Variants in CAMKMT observed in about 807,000 individuals in gnomAD.
CAMKMT encodes calmodulin-lysine N-methyltransferase.
A neutral mutation model predicts 48.0 loss-of-function variants in CAMKMT; 53 were observed. The observed-to-expected ratio is 1.10, with a 90% CI of 0.89 to 1.39. CAMKMT has a LOEUF of 1.39. CAMKMT is among the 40% of genes most tolerant of loss of function. The pLI is 0.00. For missense variants in CAMKMT, 428 were observed against 402.7 expected (o/e 1.06, Z -0.54); for synonymous variants, 165 against 152.3 (o/e 1.08, Z -0.61).
chr2:44,730,166 T>C (rs1679005058), intron 7 of CAMKMT, among the ~76,000 whole-genome samples: 1 of 152,226 alleles, frequency 6.6e-6, no homozygotes, highest in Non-Finnish European at 1.5e-5. Context: ...TTGGGATATT[T>C]GGGGAGCTTA....
chr2:44,522,939 A>G (rs1671195273), intron 3 of CAMKMT, among the ~76,000 whole-genome samples: 1 of 151,904 alleles, frequency 6.6e-6, no homozygotes, highest in African/African-American at 2.4e-5. Flanking sequence ...TCCTTTTTTC[A>G]TACTACCAAA....
At chr2:44,769,660 A>G (rs575788964) in intron 10 of CAMKMT, among the ~76,000 whole-genome samples, 43 of 150,522 alleles carry the variant, frequency 2.9e-4, no homozygotes, top group African/African-American at 1.0e-3. Context: ...TTTTTTTTTT[A>G]TAAACTTTCG....
intron 3 of CAMKMT, among the ~76,000 whole-genome samples, chr2:44,604,333 AT>A (rs1191169656): frequency 6.6e-6 from 1 of 152,208 alleles, no homozygotes; most frequent in Non-Finnish European, 1.5e-5. Context: ...CATAACTAAG[AT>A]TGCCAAAGTG....
chr2:44,476,066 A>G (rs145680721), intron 3 of CAMKMT, among the ~76,000 whole-genome samples: 2 of 152,324 alleles, frequency 1.3e-5, no homozygotes, highest in East Asian at 1.9e-4. Context: ...CTTGCTGACA[A>G]TTTAAAGAAA....
chr2:44,482,709 C>T (rs1159281619), intron 3 of CAMKMT, among the ~76,000 whole-genome samples: 1 of 151,990 alleles, frequency 6.6e-6, no homozygotes, highest in Non-Finnish European at 1.5e-5. Context: ...CCCTTTTTTT[C>T]ACAGGCCTGA....
At chr2:44,560,802 A>C (rs1668283822) in intron 3 of CAMKMT, among the ~76,000 whole-genome samples, 1 of 152,132 alleles carries the variant, frequency 6.6e-6, no homozygotes, top group Non-Finnish European at 1.5e-5. Context: ...AAAGTTACTA[A>C]TATTGATTTT....
intron 7 of CAMKMT, among the ~76,000 whole-genome samples, chr2:44,734,145 C>T (rs1679230536): frequency 6.6e-6 from 1 of 150,658 alleles, no homozygotes; most frequent in Non-Finnish European, 1.5e-5. Context: ...GAATATTTAG[C>T]TAGAAACTGA....
chr2:44,531,550 A>G (rs1452624929), intron 3 of CAMKMT, among the ~76,000 whole-genome samples: 1 of 152,186 alleles, frequency 6.6e-6, no homozygotes, highest in African/African-American at 2.4e-5. Flanking sequence ...ATCAGCGGCC[A>G]TAGGGTTATT....
chr2:44,736,027 C>T (rs1448369571), intron 7 of CAMKMT, among the ~76,000 whole-genome samples: 1 of 152,146 alleles, frequency 6.6e-6, no homozygotes, highest in African/African-American at 2.4e-5. Flanking sequence ...ATTATCACCC[C>T]ACAATACTTG....
At chr2:44,408,341 G>T (rs1381063212) in intron 3 of CAMKMT, among the ~76,000 whole-genome samples, 2 of 151,882 alleles carry the variant, frequency 1.3e-5, no homozygotes, top group African/African-American at 2.4e-5. Context: ...ACTCTTTATA[G>T]ATTGCTATAA....
At chr2:44,705,197 A>C in intron 4 of CAMKMT, 11 of 203,762 alleles carry the variant, frequency 5.4e-5, no homozygotes, top group Non-Finnish European at 8.7e-5. Flanking sequence ...TGCTTTAAAC[A>C]ACCAAACACT....
intron 3 of CAMKMT, among the ~76,000 whole-genome samples, chr2:44,584,600 T>C (rs1437065941): frequency 6.6e-6 from 1 of 152,202 alleles, no homozygotes; most frequent in Non-Finnish European, 1.5e-5. Flanking sequence ...ACAATTATTT[T>C]TGGAATTCAA....
intron 3 of CAMKMT, among the ~76,000 whole-genome samples, chr2:44,436,197 A>T (rs1068121): frequency 0.94 from 143,379 of 152,218 alleles, 67,592 homozygotes; most frequent in East Asian, 1. Flanking sequence ...TGCCTCAGCC[A>T]CCTGAGTAAC....
At chr2:44,556,357 T>A (rs1012375856) in intron 3 of CAMKMT, among the ~76,000 whole-genome samples, 1 of 152,002 alleles carries the variant, frequency 6.6e-6, no homozygotes, top group Non-Finnish European at 1.5e-5. Context: ...CAGGCTGTTC[T>A]TGAACTCCTG....
intron 3 of CAMKMT, among the ~76,000 whole-genome samples, chr2:44,471,358 A>G (rs751074613): frequency 3.3e-5 from 5 of 152,072 alleles, no homozygotes; most frequent in African/African-American, 4.8e-5. Flanking sequence ...ATTTTATGGA[A>G]TAGCCAGGCA....
At chr2:44,762,912 A>G (rs953675616) in intron 9 of CAMKMT, among the ~76,000 whole-genome samples, 20 of 152,262 alleles carry the variant, frequency 1.3e-4, no homozygotes, top group Admixed American at 2.6e-4. Context: ...CTGCAACGGA[A>G]TGCTTAGAAA....
intron 3 of CAMKMT, among the ~76,000 whole-genome samples, chr2:44,476,589 T>TA (rs760828021): frequency 7.9e-5 from 12 of 151,258 alleles, no homozygotes; most frequent in African/African-American, 1.7e-4. Flanking sequence ...TTACACTGTG[T>TA]AAAAAAAAAC....
At chr2:44,377,370 A>G (rs1181565984) in intron 2 of CAMKMT, among the ~76,000 whole-genome samples, 1 of 152,204 alleles carries the variant, frequency 6.6e-6, no homozygotes, top group Non-Finnish European at 1.5e-5. Context: ...ATGCAAGTAT[A>G]TAAGCTAAGA....
At chr2:44,695,722 G>A (rs139080590) in intron 3 of CAMKMT, among the ~76,000 whole-genome samples, 72 of 152,204 alleles carry the variant, frequency 4.7e-4, no homozygotes, top group African/African-American at 1.7e-3. Flanking sequence ...TTTGGAAGCT[G>A]GAAGGCAAAT....
Sources: gnomAD v4.1 joint callset for allele counts (sites outside exome capture counted in the v4.1 genomes callset) on GRCh38, gnomAD v4.1.1 for gene constraint, MANE v1.5 for transcripts, NCBI Gene and HGNC (gene_info 2026-07-23, HGNC 2026-07-21) for gene names.